PDE4D: variants seen among roughly 807,000 people sequenced by gnomAD.
PDE4D encodes phosphodiesterase 4D.
In PDE4D, 24 loss-of-function variants were observed where a neutral mutation model predicts 87.4. The ratio of observed to expected loss-of-function variants is 0.27; its 90% CI spans 0.20 to 0.39. PDE4D has a LOEUF of 0.39. PDE4D is among the 10% of genes least tolerant of loss of function. PDE4D has a pLI of 1.00. For missense variants in PDE4D, 714 were observed against 1,041.0 expected, an observed-to-expected ratio of 0.69 and a Z score of 4.32; for synonymous variants, 384 against 383.2, an observed-to-expected ratio of 1.00 and a Z score of -0.02.
chr5:59,231,873 T>TAGAGAATAAGTCTATAATCATTACAC (rs1755286174), intron 1 of PDE4D, among the ~76,000 whole-genome samples: 1 of 152,212 alleles, frequency 6.6e-6, no homozygotes, highest in Non-Finnish European at 1.5e-5. Context: ...TAAGAGATGT[T>TAGAGAATAAGTCTATAATCATTACAC]AGAGAATAAG....
At chr5:59,818,255 G>A (rs1029304884) in intron 1 of PDE4D, among the ~76,000 whole-genome samples, 6 of 152,200 alleles carry the variant, frequency 3.9e-5, no homozygotes, top group South Asian at 2.1e-4. Context: ...GCTTGGGCAC[G>A]TTCCTTAAAT....
chr5:59,607,016 A>T (rs1027172423), intron 1 of PDE4D, among the ~76,000 whole-genome samples: 3 of 152,084 alleles, frequency 2.0e-5, no homozygotes, highest in Non-Finnish European at 4.4e-5. Flanking sequence ...GTTAAAAAGT[A>T]ACCAATATTT....
chr5:58,975,887 A>AT lies in PDE4D; in HGVS notation c.1831-49_1831-48insA, dbSNP rs11436951. ...CTATTCACTCCTGTTCCTTTTTTTT[A>AT]AAAAAAAAAACAAAAAAAACTAGAA... On this transcript the variant is annotated intron_variant, in intron 13 of 14. Transcript: ENST00000340635. This position sits in a 1 kb window ranked among gnomAD's most constrained non-coding sequence, Gnocchi z 4.2. 156 of 1,051,992 alleles carry AT rather than the reference A, an allele frequency of 1.5e-4. 2 individuals are homozygous for AT. The highest frequency in any genetic ancestry group is 1.7e-4 in the Non-Finnish European group (142 of 825,796). The allele number at this position is 1,051,992 out of a possible 1,614,324, so 65.2% of individuals were successfully genotyped here.
At chr5:59,794,373 G>C (rs1174290837) in intron 1 of PDE4D, among the ~76,000 whole-genome samples, 1 of 152,176 alleles carries the variant, frequency 6.6e-6, no homozygotes, top group Admixed American at 6.5e-5. Flanking sequence ...TGCTCATGAA[G>C]AAAAGACAAA....
chr5:59,478,597 G>A (rs899554379), intron 1 of PDE4D, among the ~76,000 whole-genome samples: 3 of 151,936 alleles, frequency 2.0e-5, no homozygotes, highest in Admixed American at 6.6e-5. Flanking sequence ...TTTTCTAAAC[G>A]TTCAAAATCC....
intron 1 of PDE4D, among the ~76,000 whole-genome samples, chr5:59,407,639 T>C (rs1290871847): frequency 6.6e-6 from 1 of 152,144 alleles, no homozygotes; most frequent in Non-Finnish European, 1.5e-5. Flanking sequence ...CTGATAGTGA[T>C]CTGCAAAGTA....
At chr5:59,969,567 T>C (rs568440267) in intron 3 of PDE4D, among the ~76,000 whole-genome samples, 1 of 152,290 alleles carries the variant, frequency 6.6e-6, no homozygotes, top group Non-Finnish European at 1.5e-5. Context: ...CTTCTTGACA[T>C]GGTTTGGCTG....
intron 1 of PDE4D, among the ~76,000 whole-genome samples, chr5:60,482,150 G>A (rs1449941620): frequency 1.3e-5 from 2 of 152,022 alleles, no homozygotes; most frequent in African/African-American, 4.8e-5. Flanking sequence ...GAGCCATCAG[G>A]AATGGGGTTC....
intron 11 of PDE4D, 38 bp from the exon 12 acceptor site, chr5:58,977,383 G>A: frequency 1.3e-6 from 2 of 1,577,118 alleles, no homozygotes; most frequent in Non-Finnish European, 1.7e-6. Context: ...CAGCAAAACT[G>A]TTTGTGAGAA....
chr5:60,413,732 A>G (rs1449128951), intron 1 of PDE4D, among the ~76,000 whole-genome samples: 1 of 133,176 alleles, frequency 7.5e-6, no homozygotes, highest in East Asian at 2.2e-4. Flanking sequence ...TTTTTTTTGG[A>G]AAAACAGCTT....
At chr5:59,337,586 TTATGAGC>T (rs1777932726) in intron 1 of PDE4D, among the ~76,000 whole-genome samples, 1 of 152,128 alleles carries the variant, frequency 6.6e-6, no homozygotes, top group Non-Finnish European at 1.5e-5. Flanking sequence ...CCACAAAGCC[TTATGAGC>T]TATTATTATT....
intron 1 of PDE4D, among the ~76,000 whole-genome samples, chr5:59,242,422 CA>C (rs1213852871): frequency 6.6e-6 from 1 of 152,156 alleles, no homozygotes; most frequent in East Asian, 1.9e-4. Context: ...CTCTGAGCAA[CA>C]CCTGCTGCAT....
chr5:60,257,672 C>A (rs575527589), intron 1 of PDE4D, among the ~76,000 whole-genome samples: 1 of 152,006 alleles, frequency 6.6e-6, no homozygotes, highest in African/African-American at 2.4e-5. Flanking sequence ...AGCACTTCTG[C>A]CAGTAGATGC....
chr5:58,977,397 T>C, intron 11 of PDE4D, 52 bp from the exon 12 acceptor site: 1 of 1,533,388 alleles, frequency 6.5e-7, no homozygotes, highest in African/African-American at 1.4e-5. Context: ...GTGAGAAGTT[T>C]ATCTGATTCT....
At chr5:60,478,223 A>G (rs1339045967) in intron 1 of PDE4D, among the ~76,000 whole-genome samples, 1 of 152,212 alleles carries the variant, frequency 6.6e-6, no homozygotes, top group Non-Finnish European at 1.5e-5. Flanking sequence ...TCTTTTTAAA[A>G]CATTTGAAAA....
In PDE4D at chr5:59,530,429, C is replaced by T. The variant is rs528777129; in HGVS notation, c.456-314461G>A. ...ACCAAAATCCATGGATGCTCAAGTT[C>T]CTTATATAAAATGACATAGTATTTG... On this transcript the variant is annotated intron_variant, in intron 1 of 14. Transcript: ENST00000340635. Among the ~76,000 whole-genome samples, 54 of 152,206 alleles carry T rather than the reference C, an allele frequency of 3.5e-4. No individual in the cohort carries two copies. The South Asian group carries it at 0.011, about 30-fold the overall frequency.
chr5:59,668,742 GAAGAAGAAGAAGAAAGAAGA>G (rs1414121736), intron 1 of PDE4D, among the ~76,000 whole-genome samples: 5 of 127,924 alleles, frequency 3.9e-5, no homozygotes, highest in Non-Finnish European at 6.8e-5. Context: ...GAAGAAAGAA[GAAGAAGAAGAAGAAAGAAGA>G]AAGAAGAAGA....
intron 5 of PDE4D, among the ~76,000 whole-genome samples, chr5:59,107,028 A>G (rs1399748280): frequency 1.3e-5 from 2 of 152,212 alleles, no homozygotes; most frequent in Non-Finnish European, 2.9e-5. Flanking sequence ...ATAGAAAACC[A>G]GTTAATGTTT....
At chr5:59,427,757 C>T (rs549504256) in intron 1 of PDE4D, among the ~76,000 whole-genome samples, 1 of 150,392 alleles carries the variant, frequency 6.6e-6, no homozygotes, top group Non-Finnish European at 1.5e-5. Context: ...GAGTTCTAGG[C>T]TGCCCTGATC....
Sources: gnomAD v4.1 joint callset for allele counts (sites outside exome capture counted in the v4.1 genomes callset) on GRCh38, gnomAD v4.1.1 for gene constraint, Gnocchi (gnomAD v3.1) non-coding constraint, MANE v1.5 for transcripts, NCBI Gene and HGNC (gene_info 2026-07-23, HGNC 2026-07-21) for gene names.